The following LIAS variants were observed in gnomAD, a reference collection of about 807,000 sequenced individuals.
LIAS encodes the protein lipoyl synthase, mitochondrial.
In LIAS, 36 loss-of-function variants were observed where a neutral mutation model predicts 49.4. The observed-to-expected ratio is 0.73, with a 90% confidence interval of 0.56 to 0.96. The LOEUF (loss-of-function observed/expected upper bound fraction) is 0.96. Ranked by LOEUF, LIAS falls within the 40% of genes least tolerant of loss-of-function variation. LIAS has a pLI of 0.00. For missense variants in LIAS, 399 were observed against 456.3 expected (o/e 0.87, Z 1.14); for synonymous variants, 145 against 155.8 (o/e 0.93, Z 0.52).
rs1453606167 is a variant in LIAS, at chr4:39,477,621, T to C, written c.*506T>C. ...TTTAGTGTATCTTCTTTGTCCCAAT[T>C]AAACAGTTGCTTGCTGTGATGTAAT... On this transcript the variant is annotated 3_prime_UTR_variant, in exon 11 of 11. Transcript: ENST00000640888. The C allele has an allele frequency of 1.3e-5, 2 of 152,468 alleles. No individual in the cohort carries two copies. Among genetic ancestry groups the C allele is most frequent in the Non-Finnish European group, 2.9e-5 (2 of 68,238 alleles). 9.4% of individuals were successfully genotyped at this position (152,468 alleles called of 1,614,324 possible).
In LIAS at chr4:39,471,565, C is replaced by T. The variant is rs1231261035; in HGVS notation, c.954+259C>T. On this transcript the variant is annotated intron_variant, in intron 9 of 10. Coordinates refer to ENST00000640888, the MANE Select transcript of LIAS (RefSeq NM_006859.4). ...TTTTTGAGACGGAGTCTCGCTCTGT[C>T]GCCCAGGCTGGAGTGCAGTGGGGCA... is the stretch of plus-strand genomic sequence containing the variant. Among the ~76,000 whole-genome samples, 41 of 120,058 alleles carry T rather than the reference C, an allele frequency of 3.4e-4. 1 individual carries two copies. The highest frequency in any genetic ancestry group is 1.2e-3 in the African/African-American group (36 of 30,056). The allele number at this position is 120,058 out of a possible 152,430, so 78.8% of individuals were successfully genotyped here.
chr4:39,468,502 A>AAAAAAAAAAT (rs140159831), intron 7 of LIAS: 1 of 125,186 alleles, frequency 8.0e-6, no homozygotes, highest in African/African-American at 3.0e-5. Flanking sequence ...GGAAAAAAAA[A>AAAAAAAAAAT]ATATATATAT....
At position 39,462,665 on chromosome 4, in the gene LIAS, A is replaced by G. The variant is rs372056876; in HGVS notation, c.312+376A>G. On this transcript the variant is annotated intron_variant, in intron 3 of 10. Coordinates refer to ENST00000640888, the MANE Select transcript of LIAS (RefSeq NM_006859.4). ...TTTTTTATTTGCACATATGAAGTAT[A>G]TACATTCGTAAAGTTTTTAATTTAA... 3.9e-5 allele frequency among the ~76,000 whole-genome samples: 6 copies of G among 152,350 alleles called. No individual in the cohort carries two copies. In the East Asian group the frequency reaches 1.2e-3, roughly 29 times the overall value.
rs766866733 is a variant in LIAS at position 39,471,517 on chromosome 4, A to ATTTTTT, written c.954+233_954+238dup. Among the ~76,000 whole-genome samples the ATTTTTT allele has an allele frequency of 8.2e-4, 61 of 74,354 alleles. 4 individuals carry two copies. The highest frequency in any genetic ancestry group is 1.1e-3 in the Non-Finnish European group (43 of 39,902). The allele number at this position is 74,354 out of a possible 152,430, so 48.8% of individuals were successfully genotyped here. ...TCCGGCTAAAATATACATATATATA[A>ATTTTTT]TTTTTTTTTTTTTTTTTTTTTTTTT... On this transcript the variant is annotated intron_variant, in intron 9 of 10. Coordinates refer to ENST00000640888, the MANE Select transcript of LIAS (RefSeq NM_006859.4).
At chr4:39,460,148 T>G (rs1744391258) in intron 1 of LIAS, among the ~76,000 whole-genome samples, 1 of 152,210 alleles carries the variant, frequency 6.6e-6, no homozygotes, top group Non-Finnish European at 1.5e-5. Context: ...CTGTGGCACC[T>G]TCTTCAGTTA....
At chr4:39,468,502 A>AAAAAATATATATATAT (rs140159831) in intron 7 of LIAS, 5 of 125,182 alleles carry the variant, frequency 4.0e-5, no homozygotes, top group African/African-American at 1.5e-4. Flanking sequence ...GGAAAAAAAA[A>AAAAAATATATATATAT]ATATATATAT....
intron 10 of LIAS, chr4:39,474,905 CT>C (rs1745138280): frequency 6.6e-6 from 1 of 151,090 alleles, no homozygotes; most frequent in Non-Finnish European, 1.5e-5. Context: ...GACCTTGTCT[CT>C]TTAAAAATAA....
rs1034937632 is a variant in LIAS at position 39,478,721 on chromosome 4, T to C, written c.*1606T>C. On this transcript the variant is annotated 3_prime_UTR_variant, in exon 11 of 11. Transcript: ENST00000640888. ...CATTTCTCACATTGGTTGTATTATATGATGGTAAAGGCCTGAGAAAGGAAT... is the reference window on the plus strand; with the variant it reads ...CATTTCTCACATTGGTTGTATTATACGATGGTAAAGGCCTGAGAAAGGAAT... 3 of 152,236 alleles carry C rather than the reference T, an allele frequency of 2.0e-5. No individual in the cohort carries two copies. The highest frequency in any genetic ancestry group is 4.4e-5 in the Non-Finnish European group (3 of 68,044). 9.4% of individuals were successfully genotyped at this position (152,236 alleles called of 1,614,324 possible).
Position 39,473,215 on chromosome 4 carries a change from A to G in LIAS, c.1066+4A>G. The G allele has an allele frequency of 6.4e-7, 1 of 1,567,448 alleles. No individual in the cohort carries two copies. Among genetic ancestry groups the G allele is most frequent in the Non-Finnish European group, 8.8e-7 (1 of 1,137,508 alleles). On this transcript the variant is annotated splice_donor_region_variant and intron_variant, in intron 10 of 10. Coordinates refer to ENST00000640888, the MANE Select transcript of LIAS (RefSeq NM_006859.4). ...GTGCGTTCTTCATATAAAGCAGGTA[A>G]GTTAGATTGTGGGGCATGGTTTCAT...
intron 3 of LIAS, among the ~76,000 whole-genome samples, chr4:39,463,023 T>A (rs1320364485): frequency 6.6e-6 from 1 of 151,952 alleles, no homozygotes; most frequent in East Asian, 1.9e-4. Flanking sequence ...CTTACATAAT[T>A]ATGTAAGGGA....
chr4:39,475,069 TG>T (rs1489363190), intron 10 of LIAS: 1 of 152,430 alleles, frequency 6.6e-6, no homozygotes, highest in Non-Finnish European at 1.5e-5. Flanking sequence ...TAGCTGGGCA[TG>T]GTGCTGCGCA....
chr4:39,477,202 C>A lies in LIAS; in HGVS notation c.*87C>A. ...AGGTGGTGCCAGAATGCCTGGACTG[C>A]AGTGGATGTGCCCCACCTCTTTGCT... On this transcript the variant is annotated 3_prime_UTR_variant, in exon 11 of 11. Transcript: ENST00000640888. The A allele has an allele frequency of 2.0e-6, 2 of 986,062 alleles. No individual in the cohort carries two copies. The highest frequency in any genetic ancestry group is 3.1e-6 in the Non-Finnish European group (2 of 643,994). 61.1% of individuals were successfully genotyped at this position (986,062 alleles called of 1,614,324 possible).
chr4:39,470,969 A>G (rs966876954), intron 8 of LIAS, among the ~76,000 whole-genome samples: 4 of 152,124 alleles, frequency 2.6e-5, no homozygotes, highest in African/African-American at 9.7e-5. Context: ...CTCCACTACT[A>G]TTTTAGCATT....
intron 10 of LIAS, 78 bp downstream of exon 10, chr4:39,473,289 T>C: frequency 1.1e-6 from 1 of 877,114 alleles, no homozygotes. Flanking sequence ...TCACTAAAAC[T>C]CTTGACAAAT....
Position 39,478,515 on chromosome 4 carries a change from ATGT to A in LIAS, c.*1403_*1405del, listed in dbSNP as rs1745286323. 3 of 152,192 alleles carry A rather than the reference ATGT, an allele frequency of 2.0e-5. No individual in the cohort carries two copies. The South Asian group carries it at 6.2e-4, about 32-fold the overall frequency. 9.4% of individuals were successfully genotyped at this position (152,192 alleles called of 1,614,324 possible). On this transcript the variant is annotated 3_prime_UTR_variant, in exon 11 of 11. Transcript: ENST00000640888. ...TGAGACTGTCTCAAAAAAAAAGTAA[ATGT>A]TGATTTTTTACATTGGTGTGACTAC... is the stretch of plus-strand genomic sequence containing the variant.
At position 39,467,620 on chromosome 4, in the gene LIAS, T is replaced by C. The variant is rs1744810988; in HGVS notation, c.711T>C (p.Asn237=). 6.3e-7 allele frequency: 1 copy of C among 1,590,274 alleles called. No homozygotes were observed. ...ALSGLDVYAH[N]VETVPELQSK... ...CAGGATTAGATGTGTATGCACATAA[T>C]GTAGAAACAGTCCCGGAATTACAGA... Residue 237 remains asparagine, a synonymous_variant, in exon 7 of 11, where the codon AAT becomes AAC. Coordinates refer to ENST00000640888, the MANE Select transcript of LIAS (RefSeq NM_006859.4).
chr4:39,463,799 A>T, intron 4 of LIAS, 194 bp downstream of exon 4: 1 of 1,135,834 alleles, frequency 8.8e-7, no homozygotes, highest in South Asian at 3.1e-5. Context: ...GAATAAATCT[A>T]TTATTGGTTC....
intron 9 of LIAS, 145 bp downstream of exon 9, chr4:39,471,451 A>T: frequency 1.8e-6 from 1 of 550,990 alleles, no homozygotes. Context: ...CTCCTGCCTC[A>T]CCCTCCTGAG....
chr4:39,460,972 A>T lies in LIAS; in HGVS notation c.218+10A>T. 6.3e-7 allele frequency: 1 copy of T among 1,578,270 alleles called. No homozygotes were observed. Among genetic ancestry groups the T allele is most frequent in the Non-Finnish European group, 8.6e-7 (1 of 1,162,502 alleles). On this transcript the variant is annotated intron_variant, in intron 2 of 10. Transcript: ENST00000640888. Reference sequence around the variant, plus strand: ...GCCAGAAAGGAGAAAGGTAATTGAAAATTTGAGATAATTTTAACGTCCCGT... The same window carrying T: ...GCCAGAAAGGAGAAAGGTAATTGAATATTTGAGATAATTTTAACGTCCCGT...
Sources: gnomAD v4.1 joint callset for allele counts (sites outside exome capture counted in the v4.1 genomes callset) on GRCh38, gnomAD v4.1.1 for gene constraint, MANE v1.5 for transcripts, NCBI Gene and HGNC (gene_info 2026-07-23, HGNC 2026-07-21) for gene names.